The following SLC30A5 variants were observed in gnomAD, a reference collection of about 807,000 sequenced individuals.
SLC30A5 encodes proton-coupled zinc antiporter SLC30A5.
SLC30A5 carries 33 observed loss-of-function variants against 79.6 expected under a neutral mutation model. That is an observed-to-expected ratio of 0.41 (90% CI 0.31 to 0.55). The LOEUF (loss-of-function observed/expected upper bound fraction) is 0.55. Among genes scored for constraint, SLC30A5 ranks in the 20% least tolerant of loss-of-function variants. The probability of loss-of-function intolerance (pLI) is 0.20; values close to 1 mark genes in which losing one functional copy is unlikely to be tolerated. For missense variants in SLC30A5, 788 were observed against 928.1 expected (o/e 0.85, Z 1.96); for synonymous variants, 299 against 319.7 (o/e 0.94, Z 0.69).
chr5:69,095,196 CTTT>C (rs371189827), intron 1 of SLC30A5, among the ~76,000 whole-genome samples: 1 of 112,320 alleles, frequency 8.9e-6, no homozygotes, highest in African/African-American at 3.6e-5. Context: ...TATAACGTAA[CTTT>C]TTTTTTTTTT....
chr5:69,105,766 A>T (rs1280551696), intron 4 of SLC30A5, among the ~76,000 whole-genome samples: 1 of 152,184 alleles, frequency 6.6e-6, no homozygotes, highest in Non-Finnish European at 1.5e-5. Flanking sequence ...GAGGTGAGCC[A>T]CGGGGGAGCA....
chr5:69,094,964 A>T (rs1286128714), intron 1 of SLC30A5, among the ~76,000 whole-genome samples: 2 of 152,142 alleles, frequency 1.3e-5, no homozygotes, highest in Non-Finnish European at 2.9e-5. Flanking sequence ...ACCAACCCGA[A>T]AAGTAAGGGA....
chr5:69,114,384 T>C, intron 6 of SLC30A5, 36 bp from the exon 7 acceptor site: 1 of 1,335,550 alleles, frequency 7.5e-7, no homozygotes, highest in South Asian at 1.2e-5. Flanking sequence ...AAGAGTGACT[T>C]TTTGGAATTT....
At chr5:69,125,277 A>T (rs1746644819) in intron 14 of SLC30A5, among the ~76,000 whole-genome samples, 1 of 152,150 alleles carries the variant, frequency 6.6e-6, no homozygotes, top group South Asian at 2.1e-4. Context: ...CTGTAATCCC[A>T]GCACTTTGGG....
At chr5:69,126,184 A>G (rs1205746543) in intron 14 of SLC30A5, among the ~76,000 whole-genome samples, 1 of 152,242 alleles carries the variant, frequency 6.6e-6, no homozygotes, top group Non-Finnish European at 1.5e-5. Context: ...TCTGCTGATG[A>G]AAAGATAGCA....
intron 13 of SLC30A5, among the ~76,000 whole-genome samples, chr5:69,122,197 G>C (rs1161171752): frequency 1.3e-5 from 2 of 152,160 alleles, no homozygotes; most frequent in Non-Finnish European, 2.9e-5. Flanking sequence ...AGGAGTTCAA[G>C]ACCAGCCTGG....
chr5:69,104,649 C>G lies in SLC30A5; in HGVS notation c.292C>G (p.His98Asp). Residue 98 changes from histidine to aspartate, a missense_variant, in exon 4 of 16, where the codon CAT becomes GAT. Physicochemically the swap from His to Asp is moderately conservative, Grantham distance 81. This residue lies in a region of SLC30A5 where 626 missense variants were observed against 755.5 expected (regional missense o/e 0.83). Transcript: ENST00000396591. ...TTTATAGTGGATCAAAATATTTAAA[C>G]ATGCAGTTGCTGGGTGTATTATTTC... ...TKHQWIKIFK[H>D]AVAGCIISLL... is the part of the protein sequence containing the mutation. 6.5e-7 allele frequency: 1 copy of G among 1,535,374 alleles called. No individual in the cohort carries two copies. The highest frequency in any genetic ancestry group is 8.8e-7 in the Non-Finnish European group (1 of 1,141,108).
At chr5:69,098,542 T>C (rs1036307691) in intron 1 of SLC30A5, among the ~76,000 whole-genome samples, 5 of 152,244 alleles carry the variant, frequency 3.3e-5, no homozygotes, top group African/African-American at 1.2e-4. Context: ...GGGCTTTGCC[T>C]ACTGCAGTAG....
chr5:69,114,506 C>A lies in SLC30A5; in HGVS notation c.612+10C>A, dbSNP rs746240420. 3.9e-6 allele frequency: 6 copies of A among 1,528,886 alleles called. No homozygotes were observed. Among genetic ancestry groups the A allele is most frequent in the Non-Finnish European group, 5.4e-6 (6 of 1,105,198 alleles). 94.7% of individuals were successfully genotyped at this position (1,528,886 alleles called of 1,614,324 possible). The stretch of plus-strand genomic sequence containing the variant: ...TGTGGCAGATCACAAGGTATGATTT[C>A]TTTGTTCCTAACAGGATCAAAAGAT... On this transcript the variant is annotated intron_variant, in intron 7 of 15. Coordinates refer to ENST00000396591, the MANE Select transcript of SLC30A5 (RefSeq NM_022902.5).
In SLC30A5 at chr5:69,129,788, A is replaced by C; in HGVS notation, c.*171A>C. On this transcript the variant is annotated 3_prime_UTR_variant, in exon 16 of 16. Coordinates refer to ENST00000396591, the MANE Select transcript of SLC30A5 (RefSeq NM_022902.5). The stretch of plus-strand genomic sequence containing the variant: ...AAATTTAAATACAGAATGAAACATT[A>C]ATGGTAAAAGTGGAGTAATTATTTA... 2.0e-6 allele frequency: 1 copy of C among 501,186 alleles called. No homozygotes were observed. Among genetic ancestry groups the C allele is most frequent in the South Asian group, 4.6e-5 (1 of 21,554 alleles). The allele number at this position is 501,186 out of a possible 1,614,324, so 31.0% of individuals were successfully genotyped here. A position where few individuals can be genotyped will look rare whatever the true frequency, so the allele number is the denominator to read the frequency against.
rs1406744725 is a variant in SLC30A5 at position 69,129,472 on chromosome 5, G to A, written c.2153G>A (p.Gly718Glu). 1 of 1,612,622 alleles carries A rather than the reference G, an allele frequency of 6.2e-7. No individual in the cohort carries two copies. Among genetic ancestry groups the A allele is most frequent in the Non-Finnish European group, 8.5e-7 (1 of 1,179,616 alleles). ...QQVTGILKDA[G>E]VNNLTIQVEK... ...GTTACAGGAATACTTAAAGATGCTGGAGTAAACAATTTAACAATTCAAGTG... is the reference window on the plus strand; with the variant it reads ...GTTACAGGAATACTTAAAGATGCTGAAGTAAACAATTTAACAATTCAAGTG... The change falls in exon 16 of 16, where the codon GGA (glycine) becomes GAA (glutamate). Residue 718 changes from glycine (G) to glutamate (E), a missense_variant. Coordinates refer to ENST00000396591, the MANE Select transcript of SLC30A5 (RefSeq NM_022902.5).
In SLC30A5 at chr5:69,130,716, A is replaced by T. The variant is rs950513500; in HGVS notation, c.*1099A>T. 1.3e-5 allele frequency: 2 copies of T among 152,164 alleles called. No homozygotes were observed. The highest frequency in any genetic ancestry group is 4.8e-5 in the African/African-American group (2 of 41,444). The allele number at this position is 152,164 out of a possible 1,614,324, so 9.4% of individuals were successfully genotyped here. On this transcript the variant is annotated 3_prime_UTR_variant, in exon 16 of 16. Coordinates refer to ENST00000396591, the MANE Select transcript of SLC30A5 (RefSeq NM_022902.5). ...TTTTCATTTCCAGTTGTAACTAGAT[A>T]TGTAGTAAAGTCTGAAAAGACTTTA...
Position 69,116,480 on chromosome 5 carries a change from T to G in SLC30A5, c.1159T>G (p.Phe387Val), listed in dbSNP as rs762325409. The G allele has an allele frequency of 6.2e-7, 1 of 1,613,126 alleles. No homozygotes were observed. The highest frequency in any genetic ancestry group is 1.3e-5 in the African/African-American group (1 of 75,020). The change falls in exon 10 of 16, where the codon TTC (phenylalanine) becomes GTC (valine). Residue 387 changes from phenylalanine to valine, a missense_variant. Phe to Val is a conservative substitution (Grantham distance 50). Transcript: ENST00000396591. The surrounding 1 kb of genome is among the most constrained non-coding windows in gnomAD (Gnocchi z 4.0). ...TCCTGAAGGAACACCTCTTTATAAC[T>G]TCATGGGTGATGCTTTTCAGCATAG... ...YSPEGTPLYNFMGDAFQHSSQ... is the reference protein window; with the variant it reads ...YSPEGTPLYNVMGDAFQHSSQ...
chr5:69,116,041 A>G lies in SLC30A5; in HGVS notation c.899A>G (p.Lys300Arg), dbSNP rs951439355. ...TGTTCAGTCAAAATGGAAGTTTCCA[A>G]ATGTGCTCGTTATGGATCCTTTCCC... The part of the protein sequence containing the change: ...SICSVKMEVS[K>R]CARYGSFPIF... Residue 300 changes from lysine to arginine, a missense_variant, in exon 9 of 16, where the codon AAA becomes AGA. Around this residue, in one of 3 missense-constraint regions of SLC30A5, gnomAD observed 626 missense variants for 755.5 expected, o/e 0.83. Coordinates refer to ENST00000396591, the MANE Select transcript of SLC30A5 (RefSeq NM_022902.5). The surrounding 1 kb of genome is among the most constrained non-coding windows in gnomAD (Gnocchi z 4.0). 27 of 1,614,018 alleles carry G rather than the reference A, an allele frequency of 1.7e-5. No homozygotes were observed. Among genetic ancestry groups the G allele is most frequent in the Non-Finnish European group, 2.2e-5 (26 of 1,180,038 alleles).
At chr5:69,122,421 A>G (rs1171706919) in intron 13 of SLC30A5, among the ~76,000 whole-genome samples, 1 of 152,194 alleles carries the variant, frequency 6.6e-6, no homozygotes, top group Non-Finnish European at 1.5e-5. Flanking sequence ...TGGGAGGCCA[A>G]GGTGGGTGGA....
intron 13 of SLC30A5, 33 bp from the exon 14 acceptor site, chr5:69,123,166 A>T: frequency 6.8e-7 from 1 of 1,476,024 alleles, no homozygotes; most frequent in Non-Finnish European, 9.3e-7. Context: ...GATGTGCCTT[A>T]ATTTTTAATG....
intron 14 of SLC30A5, among the ~76,000 whole-genome samples, chr5:69,127,404 G>A (rs1413740941): frequency 6.6e-6 from 1 of 150,686 alleles, no homozygotes; most frequent in Non-Finnish European, 1.5e-5. Flanking sequence ...TGAGGTGGGT[G>A]GATTGCCTGA....
chr5:69,103,191 G>C, intron 3 of SLC30A5, 63 bp downstream of exon 3: 2 of 870,682 alleles, frequency 2.3e-6, no homozygotes, highest in Non-Finnish European at 3.7e-6. Flanking sequence ...AGGAGGCAAT[G>C]CTTATTTTTT....
intron 5 of SLC30A5, among the ~76,000 whole-genome samples, chr5:69,109,416 A>G (rs899968429): frequency 2.0e-5 from 3 of 152,004 alleles, no homozygotes; most frequent in Admixed American, 1.3e-4. Flanking sequence ...GATTTTACCA[A>G]TTTTACATAC....
Sources: gnomAD v4.1 joint callset for allele counts (sites outside exome capture counted in the v4.1 genomes callset) on GRCh38, gnomAD v4.1.1 for gene constraint, gnomAD v4.1.1 regional missense constraint, Gnocchi (gnomAD v3.1) non-coding constraint, MANE v1.5 for transcripts, NCBI Gene and HGNC (gene_info 2026-07-23, HGNC 2026-07-21) for gene names.